The following BEST3 variants were observed in gnomAD, a reference collection of about 807,000 sequenced individuals.
BEST3 encodes bestrophin-3.
A neutral mutation model predicts 47.1 loss-of-function variants in BEST3; 50 were observed. That is an observed-to-expected ratio of 1.06 (90% CI 0.85 to 1.34). The LOEUF is 1.34. Among genes scored for constraint, BEST3 ranks in the 40% most tolerant of loss-of-function variants. BEST3 has a pLI of 0.00. For missense variants in BEST3, 765 were observed against 817.0 expected, an observed-to-expected ratio of 0.94 and a Z score of 0.78; for synonymous variants, 282 against 298.8, an observed-to-expected ratio of 0.94 and a Z score of 0.58.
intron 9 of BEST3, chr12:69,669,888 A>G (rs1307948543): frequency 1.3e-5 from 2 of 152,330 alleles, no homozygotes; most frequent in African/African-American, 2.4e-5. Flanking sequence ...GAGACCTTCA[A>G]AAAATTATCT....
rs1332804539 is a variant in BEST3, at chr12:69,672,960, T to C, written c.873A>G (p.Ala291=). ...CTCCAAAAGGGTTGATAAGCTGCTCTGCTACCTGTAGTTGAGAACATAAAA... is the reference window on the plus strand; with the variant it reads ...CTCCAAAAGGGTTGATAAGCTGCTCCGCTACCTGTAGTTGAGAACATAAAA... ...FFFYAGWLKV[A]EQLINPFGED... Residue 291 remains alanine (A), a synonymous_variant, in exon 8 of 10, where the codon GCA becomes GCG. Coordinates refer to ENST00000330891, the MANE Select transcript of BEST3 (RefSeq NM_032735.3). The C allele has an allele frequency of 6.2e-7, 1 of 1,611,664 alleles. No homozygotes were observed. Among genetic ancestry groups the C allele is most frequent in the Admixed American group, 1.7e-5 (1 of 59,844 alleles).
intron 9 of BEST3, among the ~76,000 whole-genome samples, chr12:69,648,105 G>A (rs1883097160): frequency 6.6e-6 from 1 of 152,194 alleles, no homozygotes; most frequent in South Asian, 2.1e-4. Context: ...GCGATGCCAA[G>A]CTTGGGGTTG....
chr12:69,660,261 A>G (rs144055445), intron 9 of BEST3: 4 of 152,326 alleles, frequency 2.6e-5, no homozygotes, highest in East Asian at 3.9e-4. Flanking sequence ...ATGACTGGCA[A>G]ACTTTCAGAA....
downstream of BEST3, chr12:69,653,558 G>A: frequency 3.7e-6 from 3 of 816,620 alleles, no homozygotes; most frequent in Non-Finnish European, 4.4e-6. Context: ...CAGTATATCA[G>A]TCTCATAAGA....
Position 69,653,675 on chromosome 12 carries a change from A to G in BEST3, c.*1232T>C. 3.0e-6 allele frequency: 3 copies of G among 985,434 alleles called. No individual in the cohort carries two copies. The highest frequency in any genetic ancestry group is 3.6e-6 in the Non-Finnish European group (3 of 829,942). The allele number at this position is 985,434 out of a possible 1,614,324, so 61.0% of individuals were successfully genotyped here. ...AAGTGCCATCATATGACAAATGGTA[A>G]GTGCAGCAGTCGTAAGGCATGGCCT... On this transcript the variant is annotated 3_prime_UTR_variant, in exon 10 of 10. Transcript: ENST00000330891.
chr12:69,643,609 T>G lies in BEST3; in HGVS notation c.*82A>C, dbSNP rs369885817. ...TGCCTGGATGCTAAAAAGTGGAGAA[T>G]GTTTTTCAGTTGAGCAGCAGATGAG... On this transcript the variant is annotated 3_prime_UTR_variant, in exon 10 of 10. Transcript: ENST00000331471. The G allele has an allele frequency of 1.2e-4, 67 of 572,450 alleles. No homozygotes were observed. The East Asian group carries it at 1.6e-3, about 14-fold the overall frequency. 35.5% of individuals were successfully genotyped at this position (572,450 alleles called of 1,614,324 possible). A position where few individuals can be genotyped will look rare whatever the true frequency, so the allele number is the denominator to read the frequency against.
In BEST3 at chr12:69,686,771, C is replaced by CAAAAAAACAAAACAAAA. The variant is rs1555208490; in HGVS notation, c.481+6902_481+6903insTTTTGTTTTGTTTTTTT. ...TGGGCAACAGAGCAAGATTCTGCCTCAAAAAAACAAAAAAAAAAGAAAGAA... is the reference window on the plus strand; with the variant it reads ...TGGGCAACAGAGCAAGATTCTGCCTCAAAAAAACAAAACAAAAAAAAAAACAAAAAAAAAAGAAAGAA... On this transcript the variant is annotated intron_variant, in intron 4 of 9. Coordinates refer to ENST00000330891, the MANE Select transcript of BEST3 (RefSeq NM_032735.3). Among the ~76,000 whole-genome samples, 20 of 49,914 alleles carry CAAAAAAACAAAACAAAA rather than the reference C, an allele frequency of 4.0e-4. 1 individual carries two copies. Among genetic ancestry groups the CAAAAAAACAAAACAAAA allele is most frequent in the African/African-American group, 1.0e-3 (9 of 9,014 alleles). The allele number at this position is 49,914 out of a possible 152,430, so 32.7% of individuals were successfully genotyped here.
chr12:69,691,129 A>G (rs1379798811), intron 4 of BEST3, among the ~76,000 whole-genome samples: 2 of 152,220 alleles, frequency 1.3e-5, no homozygotes, highest in African/African-American at 2.4e-5. Flanking sequence ...CAAGTCTTCT[A>G]AAGTGGCTAC....
Position 69,677,038 on chromosome 12 carries a change from A to G in BEST3, c.745T>C (p.Phe249Leu), listed in dbSNP as rs771667441. Residue 249 changes from phenylalanine to leucine, a missense_variant, in exon 7 of 10, where the codon TTT becomes CTT. By Grantham distance (22) the Phe-to-Leu change is conservative. Coordinates refer to ENST00000330891, the MANE Select transcript of BEST3 (RefSeq NM_032735.3). ...AACTGGCGTCCAATCAGGCACGCAA[A>G]GAAGAAGGTATAGACAGCAAGAGTG... ...VVTLAVYTFFFACLIGRQFLD... is the reference protein window; with the variant it reads ...VVTLAVYTFFLACLIGRQFLD... The G allele has an allele frequency of 3.7e-6, 6 of 1,614,122 alleles. No individual in the cohort carries two copies. The highest frequency in any genetic ancestry group is 5.1e-6 in the Non-Finnish European group (6 of 1,180,038).
At chr12:69,675,968 G>C (rs1441378194) in intron 7 of BEST3, among the ~76,000 whole-genome samples, 1 of 152,118 alleles carries the variant, frequency 6.6e-6, no homozygotes, top group Non-Finnish European at 1.5e-5. Context: ...CATTGCCTTT[G>C]AATGAACTTA....
At chr12:69,687,763 T>C (rs1885714460) in intron 4 of BEST3, among the ~76,000 whole-genome samples, 1 of 151,922 alleles carries the variant, frequency 6.6e-6, no homozygotes, top group African/African-American at 2.4e-5. Context: ...AACTACTAAA[T>C]ACAGACAGAA....
intron 4 of BEST3, among the ~76,000 whole-genome samples, chr12:69,679,916 T>A (rs201698879): frequency 1.6e-5 from 1 of 63,430 alleles, no homozygotes; most frequent in Non-Finnish European, 4.0e-5. Context: ...TATGCATGCG[T>A]GTGTGTGTGT....
downstream of BEST3, among the ~76,000 whole-genome samples, chr12:69,648,990 T>C (rs889666210): frequency 1.3e-5 from 2 of 152,110 alleles, no homozygotes; most frequent in African/African-American, 4.8e-5. Flanking sequence ...TCAATAATAT[T>C]GGTAAGAATT....
chr12:69,655,519 G>T lies in BEST3; in HGVS notation c.1395C>A (p.Ser465Arg). The T allele has an allele frequency of 6.2e-7, 1 of 1,614,144 alleles. No individual in the cohort carries two copies. The highest frequency in any genetic ancestry group is 8.5e-7 in the Non-Finnish European group (1 of 1,180,000). ...FPEGSPTLHF[S>R]MGELSTIRET... is the part of the protein sequence containing the mutation. Reference sequence around the variant, plus strand: ...CCCTGATGGTGGACAGCTCTCCCATGCTGAAGTGCAGCGTGGGGCTTCCTT... The same window carrying T: ...CCCTGATGGTGGACAGCTCTCCCATTCTGAAGTGCAGCGTGGGGCTTCCTT... The change falls in exon 10 of 10, where the codon AGC becomes AGA. Residue 465 changes from serine to arginine, a missense_variant. By Grantham distance (110) the Ser-to-Arg change is moderately radical. Transcript: ENST00000330891.
chr12:69,644,498 T>G (rs1181129780), intron 9 of BEST3, among the ~76,000 whole-genome samples: 1 of 152,172 alleles, frequency 6.6e-6, no homozygotes, highest in Non-Finnish European at 1.5e-5. Context: ...TTGTATTAAT[T>G]TTTTGGCACA....
intron 9 of BEST3, among the ~76,000 whole-genome samples, chr12:69,661,819 A>G (rs1428636651): frequency 2.6e-5 from 4 of 152,280 alleles, no homozygotes; most frequent in Admixed American, 2.6e-4. Context: ...TGACCCCACT[A>G]CTACCCGTGT....
chr12:69,686,569 C>G (rs969094469), intron 4 of BEST3, among the ~76,000 whole-genome samples: 1 of 151,752 alleles, frequency 6.6e-6, no homozygotes, highest in African/African-American at 2.4e-5. Flanking sequence ...GCCAGGAGTT[C>G]GAGACCAGCC....
chr12:69,665,806 G>A (rs1316079108), intron 9 of BEST3, among the ~76,000 whole-genome samples: 2 of 152,034 alleles, frequency 1.3e-5, no homozygotes, highest in Non-Finnish European at 2.9e-5. Context: ...GATACTTAAT[G>A]AATTGAGGAA....
At chr12:69,688,166 C>T (rs1324540085) in intron 4 of BEST3, among the ~76,000 whole-genome samples, 1 of 152,100 alleles carries the variant, frequency 6.6e-6, no homozygotes, top group Non-Finnish European at 1.5e-5. Flanking sequence ...CAGTATGAGA[C>T]CATACTATAT....
Sources: gnomAD v4.1 joint callset for allele counts (sites outside exome capture counted in the v4.1 genomes callset) on GRCh38, gnomAD v4.1.1 for gene constraint, MANE v1.5 for transcripts, NCBI Gene and HGNC (gene_info 2026-07-23, HGNC 2026-07-21) for gene names.